Variants in ERC1 observed in about 807,000 individuals in gnomAD.
ERC1 encodes ELKS/RAB6-interacting/CAST family member 1, also known as RAB6 interacting protein 2.
In ERC1, 56 loss-of-function variants were observed where a neutral mutation model predicts 132.0. The observed-to-expected ratio is 0.42, with a 90% CI of 0.34 to 0.53. The LOEUF (loss-of-function observed/expected upper bound fraction) is 0.53, where lower values mean the gene tolerates loss of function less well. Among genes scored for constraint, ERC1 ranks in the 20% least tolerant of loss-of-function variants. The pLI, the probability that ERC1 is intolerant of heterozygous loss-of-function variation, is 0.03. For missense variants in ERC1, 1,202 were observed against 1,349.9 expected (o/e 0.89, Z 1.72); for synonymous variants, 478 against 476.1 (o/e 1.00, Z -0.05).
chr12:1,189,840 GA>G lies in ERC1; in HGVS notation c.2158-16del. On this transcript the variant is annotated intron_variant, in intron 11 of 18. Coordinates refer to ENST00000360905, the MANE Select transcript of ERC1 (RefSeq NM_178040.4). Reference sequence around the variant, plus strand: ...CCACCTGTGTGTATCTGATAGGATTGAAATGCTTTTCTTTGTAGGCACATGA... The same window carrying G: ...CCACCTGTGTGTATCTGATAGGATTGAATGCTTTTCTTTGTAGGCACATGA... 6.3e-7 allele frequency: 1 copy of G among 1,578,424 alleles called. No individual in the cohort carries two copies. The highest frequency in any genetic ancestry group is 8.6e-7 in the Non-Finnish European group (1 of 1,161,306).
At chr12:1,303,406 G>A (rs990014263) in intron 15 of ERC1, among the ~76,000 whole-genome samples, 1 of 152,096 alleles carries the variant, frequency 6.6e-6, no homozygotes, top group African/African-American at 2.4e-5. Context: ...GGAGGCCGAG[G>A]CAGGCGGATC....
At chr12:1,306,707 C>T (rs1187108663) in intron 15 of ERC1, among the ~76,000 whole-genome samples, 1 of 151,940 alleles carries the variant, frequency 6.6e-6, no homozygotes, top group African/African-American at 2.4e-5. Flanking sequence ...TAGAAGAGGC[C>T]TAATCAGAAA....
chr12:1,399,360 C>T (rs757153960), intron 16 of ERC1, among the ~76,000 whole-genome samples: 1 of 152,128 alleles, frequency 6.6e-6, no homozygotes, highest in Non-Finnish European at 1.5e-5. Context: ...GCAATTTACC[C>T]GTTTAAAATA....
At chr12:1,460,611 G>A (rs1264525164) in intron 18 of ERC1, among the ~76,000 whole-genome samples, 1 of 152,100 alleles carries the variant, frequency 6.6e-6, no homozygotes, top group African/African-American at 2.4e-5. Flanking sequence ...AAAAGAATGG[G>A]CAGCCATATT....
At chr12:1,447,741 TC>T (rs955580799) in intron 18 of ERC1, among the ~76,000 whole-genome samples, 16 of 151,814 alleles carry the variant, frequency 1.1e-4, no homozygotes, top group African/African-American at 3.9e-4. Context: ...GCTCCACCTC[TC>T]AGGTTCAAGC....
chr12:1,370,188 AT>A (rs2087064084), intron 15 of ERC1, among the ~76,000 whole-genome samples: 1 of 152,244 alleles, frequency 6.6e-6, no homozygotes, highest in South Asian at 2.1e-4. Flanking sequence ...TGCATTTTGG[AT>A]TATGAAACTA....
chr12:1,364,495 T>A (rs1389499497), intron 15 of ERC1, among the ~76,000 whole-genome samples: 1 of 152,240 alleles, frequency 6.6e-6, no homozygotes, highest in Non-Finnish European at 1.5e-5. Flanking sequence ...AGACCATCTC[T>A]ACTCTGATTT....
At chr12:1,065,779 A>G (rs898275304) in intron 2 of ERC1, among the ~76,000 whole-genome samples, 3 of 152,160 alleles carry the variant, frequency 2.0e-5, no homozygotes, top group African/African-American at 4.8e-5. Flanking sequence ...AGGTATATCT[A>G]CAGTATTGGC....
intron 2 of ERC1, among the ~76,000 whole-genome samples, chr12:1,044,790 C>T (rs1970819803): frequency 6.6e-6 from 1 of 152,104 alleles, no homozygotes. Flanking sequence ...CTAATCACTA[C>T]CAGCCCAGCC....
At chr12:1,283,907 G>A (rs1378328877) in intron 14 of ERC1, among the ~76,000 whole-genome samples, 1 of 152,146 alleles carries the variant, frequency 6.6e-6, no homozygotes, top group Non-Finnish European at 1.5e-5. Flanking sequence ...ATTTCCTTGT[G>A]TTGCAACATT....
chr12:1,161,275 G>A (rs765834602), intron 8 of ERC1, among the ~76,000 whole-genome samples: 1 of 152,162 alleles, frequency 6.6e-6, no homozygotes, highest in Non-Finnish European at 1.5e-5. Flanking sequence ...GGAGTCTGAG[G>A]AAGTCTTAGG....
chr12:1,104,341 C>G (rs1945013161), intron 3 of ERC1, among the ~76,000 whole-genome samples: 1 of 152,126 alleles, frequency 6.6e-6, no homozygotes, highest in Admixed American at 6.5e-5. Flanking sequence ...GTCAGCAATG[C>G]AGACTGATTG....
At chr12:1,207,189 T>C (rs1374773122) in intron 12 of ERC1, among the ~76,000 whole-genome samples, 2 of 152,160 alleles carry the variant, frequency 1.3e-5, no homozygotes, top group Non-Finnish European at 2.9e-5. Context: ...ATTTTTTACA[T>C]TATTGTCTGA....
intron 3 of ERC1, among the ~76,000 whole-genome samples, chr12:1,093,492 G>A (rs569051655): frequency 1.3e-5 from 2 of 152,204 alleles, no homozygotes; most frequent in Admixed American, 6.5e-5. Context: ...GTTGGCTGTG[G>A]AATTTTTGGG....
chr12:1,419,428 T>C (rs1469587970), intron 17 of ERC1, among the ~76,000 whole-genome samples: 2 of 150,624 alleles, frequency 1.3e-5, no homozygotes, highest in Non-Finnish European at 3.0e-5. Flanking sequence ...TAACATGTAG[T>C]GTAAGAAGCC....
intron 2 of ERC1, among the ~76,000 whole-genome samples, chr12:1,062,618 G>A (rs192531666): frequency 1.6e-4 from 25 of 152,266 alleles, no homozygotes; most frequent in Admixed American, 1.1e-3. Flanking sequence ...GACTTGTTTC[G>A]TGGCCTAACA....
intron 1 of ERC1, among the ~76,000 whole-genome samples, chr12:999,900 G>A (rs1961853182): frequency 6.6e-6 from 1 of 152,060 alleles, no homozygotes; most frequent in African/African-American, 2.4e-5. Context: ...CAGCCCGCTA[G>A]GTGATTTTTA....
Position 1,182,079 on chromosome 12 carries a change from A to G in ERC1, c.2016+14A>G, listed in dbSNP as rs1386043500. ...TCAGAGAAAGAGGTTAAGCTCCCCA[A>G]AATGGAATTAGTTTGTTTGCTTAAT... On this transcript the variant is annotated intron_variant, in intron 10 of 18. Coordinates refer to ENST00000360905, the MANE Select transcript of ERC1 (RefSeq NM_178040.4). 6.2e-7 allele frequency: 1 copy of G among 1,611,620 alleles called. No homozygotes were observed. Among genetic ancestry groups the G allele is most frequent in the Non-Finnish European group, 8.5e-7 (1 of 1,178,754 alleles).
chr12:1,238,161 CTTTTTT>C (rs34549684), intron 13 of ERC1, among the ~76,000 whole-genome samples: 1 of 143,760 alleles, frequency 7.0e-6, no homozygotes, highest in African/African-American at 2.5e-5. Flanking sequence ...GTTCTTCCTC[CTTTTTT>C]TTTTTTTTAA....
Sources: gnomAD v4.1 joint callset for allele counts (sites outside exome capture counted in the v4.1 genomes callset) on GRCh38, gnomAD v4.1.1 for gene constraint, MANE v1.5 for transcripts, NCBI Gene and HGNC (gene_info 2026-07-23, HGNC 2026-07-21) for gene names.